SLC8A1: variants seen among roughly 807,000 people sequenced by gnomAD.
The protein encoded by SLC8A1 is sodium/calcium exchanger 1.
Under a neutral mutation model 68.3 loss-of-function variants are expected in SLC8A1, and 18 were observed. The observed-to-expected ratio is 0.26, with a 90% CI of 0.18 to 0.39. The LOEUF is 0.39. Ranked by LOEUF, SLC8A1 falls within the 10% of genes least tolerant of loss-of-function variation. The probability of loss-of-function intolerance (pLI) is 1.00; values close to 1 mark genes in which losing one functional copy is unlikely to be tolerated. For synonymous variants in SLC8A1, 475 were observed against 415.5 expected (o/e 1.14, Z -1.74); for missense variants, 985 against 1,156.7 (o/e 0.85, Z 2.15).
chr2:40,458,408 G>T (rs1339228506), intron 1 of SLC8A1, among the ~76,000 whole-genome samples: 2 of 151,994 alleles, frequency 1.3e-5, no homozygotes, highest in Non-Finnish European at 2.9e-5. Flanking sequence ...AGCAGTTTTT[G>T]GTGCATGGGA....
At chr2:40,134,107 T>C (rs1300740621) in intron 7 of SLC8A1, among the ~76,000 whole-genome samples, 2 of 151,974 alleles carry the variant, frequency 1.3e-5, no homozygotes, top group Admixed American at 1.3e-4. Context: ...GTTTTTTTTT[T>C]TTGAGATGGA....
intron 2 of SLC8A1, chr2:40,213,052 T>C (rs1048073630): frequency 2.0e-5 from 3 of 152,194 alleles, no homozygotes; most frequent in Non-Finnish European, 2.9e-5. Flanking sequence ...TAAGGTACTA[T>C]GCCATAGCTT....
At chr2:40,287,932 G>A (rs930120709) in intron 2 of SLC8A1, among the ~76,000 whole-genome samples, 3 of 152,060 alleles carry the variant, frequency 2.0e-5, no homozygotes, top group South Asian at 2.1e-4. Flanking sequence ...CACGTTATGA[G>A]ACTTTGATGG....
intron 2 of SLC8A1, among the ~76,000 whole-genome samples, chr2:40,309,745 C>A (rs1229441461): frequency 6.6e-6 from 1 of 152,092 alleles, no homozygotes; most frequent in Non-Finnish European, 1.5e-5. Context: ...ACCTCATGAT[C>A]CGCCCGCCTT....
rs2074967203 is a variant in SLC8A1, at chr2:40,319,830, TA to T, written c.1808+108642del. On this transcript the variant is annotated intron_variant, in intron 2 of 7. Coordinates refer to ENST00000406785, the Ensembl canonical transcript of SLC8A1. ...TTCTTCCACTTTCTTATCAATTTCT[TA>T]AATAATATGACCTCTAGATATATCA... is the stretch of plus-strand genomic sequence containing the variant. Among the ~76,000 whole-genome samples the T allele has an allele frequency of 2.0e-5, 3 of 152,116 alleles. 1 individual carries two copies.
intron 1 of SLC8A1, among the ~76,000 whole-genome samples, chr2:40,432,696 T>C (rs996788157): frequency 4.0e-5 from 6 of 151,870 alleles, no homozygotes; most frequent in African/African-American, 1.5e-4. Flanking sequence ...GAACACTGAA[T>C]TGCCATAAGG....
At chr2:40,451,874 G>A (rs1702583060) in intron 1 of SLC8A1, 30 bp downstream of exon 1, 1 of 152,140 alleles carries the variant, frequency 6.6e-6, no homozygotes, top group African/African-American at 2.4e-5. Flanking sequence ...CTGACTAAAT[G>A]CCTTCTGCCT....
chr2:40,228,788 T>A (rs2059299851), intron 2 of SLC8A1, among the ~76,000 whole-genome samples: 2 of 152,158 alleles, frequency 1.3e-5, no homozygotes, highest in African/African-American at 4.8e-5. Flanking sequence ...GTAACTAGAC[T>A]TGATCACCAA....
intron 2 of SLC8A1, among the ~76,000 whole-genome samples, chr2:40,373,457 C>A (rs1678801989): frequency 6.6e-6 from 1 of 152,082 alleles, no homozygotes; most frequent in Admixed American, 6.5e-5. Flanking sequence ...TACAGTCACC[C>A]TCTTTCCCCT....
At chr2:40,203,516 A>T (rs1374395701) in intron 2 of SLC8A1, among the ~76,000 whole-genome samples, 1 of 152,022 alleles carries the variant, frequency 6.6e-6, no homozygotes, top group Non-Finnish European at 1.5e-5. Context: ...ATTCTGTAAT[A>T]TGCCTACTGC....
intron 2 of SLC8A1, among the ~76,000 whole-genome samples, chr2:40,401,161 C>T (rs1365736241): frequency 6.6e-6 from 1 of 152,178 alleles, no homozygotes; most frequent in South Asian, 2.1e-4. Flanking sequence ...TGGGTCTGTT[C>T]TTTCTACTAC....
At chr2:40,409,701 G>C (rs994987929) in intron 2 of SLC8A1, among the ~76,000 whole-genome samples, 17 of 152,130 alleles carry the variant, frequency 1.1e-4, no homozygotes, top group African/African-American at 3.9e-4. Flanking sequence ...TTTTGGAGTT[G>C]ATTACAGTAG....
intron 2 of SLC8A1, among the ~76,000 whole-genome samples, chr2:40,412,024 A>G (rs1692309390): frequency 6.6e-6 from 1 of 152,156 alleles, no homozygotes; most frequent in African/African-American, 2.4e-5. Flanking sequence ...TTGTTTTTAT[A>G]CGTGGAAACA....
intron 1 of SLC8A1, among the ~76,000 whole-genome samples, chr2:40,450,356 G>A (rs1291542204): frequency 6.6e-6 from 1 of 151,612 alleles, no homozygotes; most frequent in East Asian, 1.9e-4. Context: ...ATGTGAGTGT[G>A]TGTGTGTGTG....
At chr2:40,499,320 C>A (rs191351496) in intron 1 of SLC8A1, among the ~76,000 whole-genome samples, 1 of 152,140 alleles carries the variant, frequency 6.6e-6, no homozygotes, top group Non-Finnish European at 1.5e-5. Context: ...TAGCATTTTT[C>A]TGTCTCATTT....
chr2:40,462,815 TATAAAATAAA>T (rs1030758464), intron 1 of SLC8A1, among the ~76,000 whole-genome samples: 4 of 151,940 alleles, frequency 2.6e-5, no homozygotes, highest in Non-Finnish European at 4.4e-5. Flanking sequence ...TAAAATAAAA[TATAAAATAAA>T]ATAAAATAAA....
At chr2:40,376,213 G>A (rs1053026145) in intron 2 of SLC8A1, among the ~76,000 whole-genome samples, 15 of 151,916 alleles carry the variant, frequency 9.9e-5, no homozygotes, top group Non-Finnish European at 1.9e-4. Context: ...TAGTATTTGT[G>A]GCCAACCTTA....
At chr2:40,302,154 C>T (rs1294383877) in intron 2 of SLC8A1, among the ~76,000 whole-genome samples, 2 of 151,384 alleles carry the variant, frequency 1.3e-5, no homozygotes, top group African/African-American at 4.9e-5. Context: ...GCCTTAGCCT[C>T]CCAGTGTGCT....
At chr2:40,140,332 G>A (rs939193461) in intron 6 of SLC8A1, among the ~76,000 whole-genome samples, 3 of 152,068 alleles carry the variant, frequency 2.0e-5, no homozygotes, top group Non-Finnish European at 4.4e-5. Context: ...AATGTGCTTG[G>A]CATATCCTAA....
Sources: allele counts gnomAD v4.1 joint callset (sites outside exome capture counted in the v4.1 genomes callset), GRCh38; gene constraint gnomAD v4.1.1; transcripts MANE v1.5; gene names NCBI Gene and HGNC (gene_info 2026-07-23, HGNC 2026-07-21).